NPEPPS: variants seen among roughly 807,000 people sequenced by gnomAD.
NPEPPS encodes the protein puromycin-sensitive aminopeptidase.
NPEPPS carries 14 observed loss-of-function variants against 115.5 expected under a neutral mutation model. The observed-to-expected ratio is 0.12, with a 90% CI of 0.08 to 0.19. NPEPPS has a LOEUF of 0.19. NPEPPS is among the 10% of genes least tolerant of loss of function. The pLI is 1.00. For synonymous variants in NPEPPS, 285 were observed against 390.6 expected (o/e 0.73, Z 3.19); for missense variants, 523 against 1,110.8 (o/e 0.47, Z 7.52).
chr17:47,619,762 A>C lies in NPEPPS; in HGVS notation c.2585A>C (p.Asp862Ala). Residue 862 changes from aspartate (D) to alanine (A), a missense_variant, in exon 22 of 23, where the codon GAT (aspartate) becomes GCT (alanine). Physicochemically the swap from Asp to Ala is moderately radical, Grantham distance 126. Transcript: ENST00000322157. Reference protein sequence around the residue: ...IKLSVEGFAVDKMAGEVKAFF... With the variant: ...IKLSVEGFAVAKMAGEVKAFF... ...CTATCAGTTGAGGGATTTGCAGTTG[A>C]TAAAATGGCTGGAGAGGTTAAGGTA... 6.2e-7 allele frequency: 1 copy of C among 1,613,742 alleles called. No individual in the cohort carries two copies. Among genetic ancestry groups the C allele is most frequent in the Admixed American group, 1.7e-5 (1 of 60,020 alleles).
intron 1 of NPEPPS, among the ~76,000 whole-genome samples, chr17:47,534,192 C>T (rs1191600491): frequency 6.6e-6 from 1 of 151,882 alleles, no homozygotes; most frequent in African/African-American, 2.4e-5. Context: ...TCCGGGTTCA[C>T]GCCATTCTCC....
At position 47,622,029 on chromosome 17, in the gene NPEPPS, G is replaced by T. The variant is rs1265543482; in HGVS notation, c.*109G>T. 2.2e-6 allele frequency: 3 copies of T among 1,392,086 alleles called. No homozygotes were observed. The highest frequency in any genetic ancestry group is 2.8e-6 in the Non-Finnish European group (3 of 1,064,856). 86.2% of individuals were successfully genotyped at this position (1,392,086 alleles called of 1,614,324 possible). On this transcript the variant is annotated 3_prime_UTR_variant, in exon 23 of 23. Transcript: ENST00000322157. The stretch of plus-strand genomic sequence containing the variant: ...GAATTTGGAGTCTTCTTTCAAACCA[G>T]TGGGGGTTGGACAATGAATGTAGTT...
chr17:47,598,016 A>G (rs1020303457), intron 13 of NPEPPS, among the ~76,000 whole-genome samples: 11 of 152,150 alleles, frequency 7.2e-5, no homozygotes, highest in African/African-American at 2.4e-4. Context: ...GACCAGTTCT[A>G]TTTCTTTGCA....
At chr17:47,535,922 T>A (rs1314746973) in intron 1 of NPEPPS, among the ~76,000 whole-genome samples, 26 of 149,030 alleles carry the variant, frequency 1.7e-4, no homozygotes, top group African/African-American at 6.4e-4. Flanking sequence ...CTGCAGCCTC[T>A]GCCTCCCGGG....
chr17:47,556,075 T>C lies in NPEPPS; in HGVS notation c.340+10082T>C, dbSNP rs868419751. On this transcript the variant is annotated intron_variant, in intron 2 of 22. Transcript: ENST00000322157. ...GCCTCCCGGGTTCAAGCAATTCTCT[T>C]TTTTTTTTTTTTTTTTTTTAATTCA... is the stretch of plus-strand genomic sequence containing the variant. Among the ~76,000 whole-genome samples the C allele has an allele frequency of 7.2e-4, 90 of 125,804 alleles. 1 individual carries two copies. In the South Asian group the frequency reaches 1.0e-2, roughly 14 times the overall value. 82.5% of individuals were successfully genotyped at this position (125,804 alleles called of 152,430 possible).
intron 2 of NPEPPS, among the ~76,000 whole-genome samples, chr17:47,564,940 A>G (rs1910704485): frequency 6.6e-6 from 1 of 152,118 alleles, no homozygotes; most frequent in Non-Finnish European, 1.5e-5. Context: ...TATATTTCAT[A>G]TGAGTAGCAT....
chr17:47,593,249 A>G (rs1331139507), intron 12 of NPEPPS, among the ~76,000 whole-genome samples: 2 of 152,144 alleles, frequency 1.3e-5, no homozygotes, highest in Admixed American at 1.3e-4. Context: ...TGCTTTCCAT[A>G]ACTGAGTATT....
chr17:47,553,604 T>C (rs1409165171), intron 2 of NPEPPS, among the ~76,000 whole-genome samples: 2 of 152,196 alleles, frequency 1.3e-5, no homozygotes, highest in Non-Finnish European at 2.9e-5. Flanking sequence ...GCAAAACTTA[T>C]ATATGCTATG....
intron 2 of NPEPPS, among the ~76,000 whole-genome samples, chr17:47,561,792 A>G (rs1910445426): frequency 6.6e-6 from 1 of 152,236 alleles, no homozygotes; most frequent in Non-Finnish European, 1.5e-5. Flanking sequence ...TAAGACCCCC[A>G]TTTCAGAAGG....
At chr17:47,618,573 C>A in intron 20 of NPEPPS, 116 bp downstream of exon 20, 1 of 676,144 alleles carries the variant, frequency 1.5e-6, no homozygotes, top group Non-Finnish European at 2.5e-6. Context: ...GCTTCCTTTT[C>A]CAGAGTAACT....
intron 2 of NPEPPS, among the ~76,000 whole-genome samples, chr17:47,546,500 A>C (rs765213586): frequency 6.6e-6 from 1 of 152,210 alleles, no homozygotes; most frequent in Non-Finnish European, 1.5e-5. Context: ...ATTGTGAAAT[A>C]AAGTAAATGT....
At chr17:47,616,784 C>CAA (rs567081295) in intron 19 of NPEPPS, among the ~76,000 whole-genome samples, 64 of 85,530 alleles carry the variant, frequency 7.5e-4, no homozygotes, top group African/African-American at 2.4e-3. Flanking sequence ...GACTCCATCT[C>CAA]AAAAAAAAAA....
At chr17:47,577,863 G>A (rs1440233470) in intron 3 of NPEPPS, among the ~76,000 whole-genome samples, 1 of 152,088 alleles carries the variant, frequency 6.6e-6, no homozygotes, top group African/African-American at 2.4e-5. Context: ...CTTTCCAAAA[G>A]CAAATTCAAT....
intron 2 of NPEPPS, among the ~76,000 whole-genome samples, chr17:47,551,928 A>G (rs1909676679): frequency 7.1e-6 from 1 of 139,902 alleles, no homozygotes; most frequent in Non-Finnish European, 1.6e-5. Context: ...AAAAGTCTTA[A>G]GTTTCTAATT....
intron 2 of NPEPPS, among the ~76,000 whole-genome samples, chr17:47,550,886 C>G (rs1567842323): frequency 6.6e-6 from 1 of 152,062 alleles, no homozygotes; most frequent in Non-Finnish European, 1.5e-5. Context: ...CTCGGCCTCC[C>G]AAAGTGCTGG....
intron 1 of NPEPPS, among the ~76,000 whole-genome samples, chr17:47,533,507 TAA>T (rs1316023113): frequency 7.2e-5 from 11 of 151,832 alleles, no homozygotes; most frequent in Non-Finnish European, 2.9e-5. Context: ...AGACTAACAT[TAA>T]AAAAAACATT....
At chr17:47,529,247 TA>T (rs767240194), upstream of NPEPPS, among the ~76,000 whole-genome samples, 5 of 152,030 alleles carry the variant, frequency 3.3e-5, no homozygotes, top group East Asian at 7.7e-4. Context: ...ATTTCATTTT[TA>T]TTTTTTTAGA....
chr17:47,599,807 C>A, intron 14 of NPEPPS, 68 bp downstream of exon 14: 16 of 1,238,476 alleles, frequency 1.3e-5, no homozygotes, highest in Admixed American at 4.7e-5. Flanking sequence ...AGTAGTATTC[C>A]AACTAATAGG....
At position 47,531,418 on chromosome 17, in the gene NPEPPS, C is replaced by T. The variant is rs200065879; in HGVS notation, c.118C>T (p.Leu40=). The change falls in exon 1 of 23, where the codon CTG becomes TTG. Residue 40 remains leucine (L), a synonymous_variant. Transcript: ENST00000322157. The part of the protein sequence containing the change: ...SRSSRRRLHS[L]GLAAMPEKRP... ...CTCCTCTCGCCGCCGCCTCCACAGCCTGGGCCTCGCCGCGATGCCGGAGAA... is the reference window on the plus strand; with the variant it reads ...CTCCTCTCGCCGCCGCCTCCACAGCTTGGGCCTCGCCGCGATGCCGGAGAA... The T allele has an allele frequency of 7.5e-3, 11,553 of 1,547,558 alleles. 60 individuals are homozygous for T. The highest frequency in any genetic ancestry group is 8.3e-3 in the Non-Finnish European group (9,534 of 1,146,276).
Sources: gnomAD v4.1 joint callset for allele counts (sites outside exome capture counted in the v4.1 genomes callset) on GRCh38, gnomAD v4.1.1 for gene constraint, MANE v1.5 for transcripts, NCBI Gene and HGNC (gene_info 2026-07-23, HGNC 2026-07-21) for gene names.